Variants in ADCY8 observed in about 807,000 individuals in gnomAD.
ADCY8 encodes the protein adenylate cyclase 8.
Under a neutral mutation model 119.7 loss-of-function variants are expected in ADCY8, and 51 were observed. That is an observed-to-expected ratio of 0.43 (90% CI 0.34 to 0.54). The LOEUF is 0.54. Among genes scored for constraint, ADCY8 ranks in the 20% least tolerant of loss-of-function variants. The pLI is 0.03. For missense variants in ADCY8, 1,383 were observed against 1,598.8 expected (o/e 0.87, Z 2.30); for synonymous variants, 665 against 651.0 (o/e 1.02, Z -0.33).
At chr8:130,897,930 T>C (rs1409523967) in intron 7 of ADCY8, among the ~76,000 whole-genome samples, 1 of 150,630 alleles carries the variant, frequency 6.6e-6, no homozygotes, top group South Asian at 2.1e-4. Context: ...ATACACACCA[T>C]GTACAAATAC....
At chr8:130,949,570 C>G (rs942385622) in intron 3 of ADCY8, 2 of 152,258 alleles carry the variant, frequency 1.3e-5, no homozygotes, top group Admixed American at 1.3e-4. Flanking sequence ...TGGACCGTGG[C>G]TCTGCCTTCA....
At position 130,857,319 on chromosome 8, in the gene ADCY8, T is replaced by C. The variant is rs376945836; in HGVS notation, c.2211-7516A>G. ...TGATAATCCTCTCTGTCAACCCCCA[T>C]TAATCACTTTCCATTTCCATTTCTT... On this transcript the variant is annotated intron_variant, in intron 9 of 17. Transcript: ENST00000286355. Among the ~76,000 whole-genome samples the C allele has an allele frequency of 2.9e-3, 333 of 115,054 alleles. 3 individuals carry two copies. Among genetic ancestry groups the C allele is most frequent in the African/African-American group, 0.011 (312 of 29,550 alleles). The allele number at this position is 115,054 out of a possible 152,430, so 75.5% of individuals were successfully genotyped here. A position where few individuals can be genotyped will look rare whatever the true frequency, so the allele number is the denominator to read the frequency against.
intron 2 of ADCY8, among the ~76,000 whole-genome samples, chr8:130,979,651 A>C (rs1822179928): frequency 6.6e-6 from 1 of 152,198 alleles, no homozygotes; most frequent in South Asian, 2.1e-4. Context: ...TACCAGGTGT[A>C]CAACTTACTA....
intron 2 of ADCY8, among the ~76,000 whole-genome samples, chr8:130,985,939 G>C (rs1022898603): frequency 6.6e-6 from 1 of 152,184 alleles, no homozygotes; most frequent in Non-Finnish European, 1.5e-5. Context: ...AGTGCCCCCA[G>C]AGCTTCTGAG....
chr8:130,919,774 T>C (rs190663152), intron 5 of ADCY8, among the ~76,000 whole-genome samples: 103 of 152,286 alleles, frequency 6.8e-4, no homozygotes, highest in Middle Eastern at 3.4e-3. Flanking sequence ...TCCCTCTGTA[T>C]GGAACAGAGA....
intron 14 of ADCY8, among the ~76,000 whole-genome samples, chr8:130,812,260 C>A (rs888540526): frequency 1.3e-5 from 2 of 148,822 alleles, no homozygotes; most frequent in Non-Finnish European, 3.0e-5. Flanking sequence ...AAATGACCAT[C>A]GCCCATGGAG....
chr8:130,819,577 A>T lies in ADCY8; in HGVS notation c.2754+1765T>A, dbSNP rs148054786. Among the ~76,000 whole-genome samples the T allele has an allele frequency of 6.6e-4, 101 of 152,312 alleles. 2 individuals are homozygous for T. The East Asian group carries it at 0.017, about 25-fold the overall frequency. The stretch of plus-strand genomic sequence containing the variant: ...CTTGTTCTCTCAGCTATTTCCAGGG[A>T]TTTCTCACTTGTCAATTTAAAACCT... On this transcript the variant is annotated intron_variant, in intron 13 of 17. Coordinates refer to ENST00000286355, the MANE Select transcript of ADCY8 (RefSeq NM_001115.3).
intron 13 of ADCY8, among the ~76,000 whole-genome samples, chr8:130,816,246 A>G (rs1437002448): frequency 6.6e-6 from 1 of 152,186 alleles, no homozygotes; most frequent in African/African-American, 2.4e-5. Flanking sequence ...ACTTTAGTAC[A>G]GAAATATCAT....
At chr8:130,933,261 T>C (rs994384455) in intron 5 of ADCY8, among the ~76,000 whole-genome samples, 1 of 152,204 alleles carries the variant, frequency 6.6e-6, no homozygotes, top group African/African-American at 2.4e-5. Flanking sequence ...ACATTTCCAG[T>C]CTTTATGGCT....
chr8:130,902,311 A>G (rs1819628588), intron 7 of ADCY8, among the ~76,000 whole-genome samples: 1 of 152,220 alleles, frequency 6.6e-6, no homozygotes, highest in Non-Finnish European at 1.5e-5. Flanking sequence ...CAGGAAGTAT[A>G]TAACACCATT....
At chr8:130,994,522 A>G (rs958327589) in intron 1 of ADCY8, among the ~76,000 whole-genome samples, 2 of 152,190 alleles carry the variant, frequency 1.3e-5, no homozygotes, top group African/African-American at 4.8e-5. Flanking sequence ...CCACATTTGT[A>G]TAAGTTTATT....
chr8:130,874,169 G>A (rs1413418601), intron 8 of ADCY8, among the ~76,000 whole-genome samples: 1 of 151,998 alleles, frequency 6.6e-6, no homozygotes, highest in African/African-American at 2.4e-5. Context: ...TTAGCTGGGT[G>A]TGGTGGTGTG....
intron 10 of ADCY8, among the ~76,000 whole-genome samples, chr8:130,848,110 A>G (rs1817389208): frequency 6.6e-6 from 1 of 152,186 alleles, no homozygotes; most frequent in South Asian, 2.1e-4. Flanking sequence ...CCATTTTACA[A>G]TTGAAAAATA....
chr8:130,870,009 TTTC>T (rs1288093791), intron 8 of ADCY8, among the ~76,000 whole-genome samples: 2 of 124,190 alleles, frequency 1.6e-5, no homozygotes, highest in African/African-American at 5.6e-5. Flanking sequence ...CTTCCTCTTC[TTTC>T]TTCTTCTTTT....
intron 17 of ADCY8, among the ~76,000 whole-genome samples, chr8:130,781,779 A>G (rs1227773698): frequency 6.6e-6 from 1 of 152,234 alleles, no homozygotes; most frequent in Non-Finnish European, 1.5e-5. Flanking sequence ...TCCACTAGGA[A>G]GCATAGAATT....
intron 7 of ADCY8, among the ~76,000 whole-genome samples, chr8:130,889,575 G>A (rs894875769): frequency 4.6e-5 from 7 of 151,932 alleles, no homozygotes; most frequent in East Asian, 1.9e-4. Flanking sequence ...ACCTGTTTCC[G>A]ATTTCTGAAC....
At chr8:130,894,392 C>A (rs10956558) in intron 7 of ADCY8, among the ~76,000 whole-genome samples, 92,592 of 151,514 alleles carry the variant, frequency 0.61, 29,100 homozygotes, top group East Asian at 0.69. Context: ...CAGGCTTATC[C>A]CTTATCAGTG....
chr8:130,910,467 C>T (rs1819948654), intron 5 of ADCY8, among the ~76,000 whole-genome samples: 2 of 152,110 alleles, frequency 1.3e-5, no homozygotes, highest in South Asian at 2.1e-4. Flanking sequence ...TCAGCCTTAC[C>T]TCCTTCCAGC....
In ADCY8 at chr8:130,869,779, AG is replaced by A. The variant is rs539660229; in HGVS notation, c.2110-1834del. ...TGATCCACCTGCCTCGGCCTCCCAA[AG>A]GGCTGGGATTACAGGCGTGAGCCAC... is the stretch of plus-strand genomic sequence containing the variant. On this transcript the variant is annotated intron_variant, in intron 8 of 17. Transcript: ENST00000286355. Among the ~76,000 whole-genome samples the A allele has an allele frequency of 8.1e-3, 1,238 of 151,918 alleles. 21 individuals are homozygous for A. The highest frequency in any genetic ancestry group is 0.028 in the African/African-American group (1,161 of 41,444).
Sources: gnomAD v4.1 joint callset for allele counts (sites outside exome capture counted in the v4.1 genomes callset) on GRCh38, gnomAD v4.1.1 for gene constraint, MANE v1.5 for transcripts, NCBI Gene and HGNC (gene_info 2026-07-23, HGNC 2026-07-21) for gene names.